The following SAMD5 variants were observed in gnomAD, a reference collection of about 807,000 sequenced individuals.
SAMD5 encodes sterile alpha motif domain-containing protein 5.
A neutral mutation model predicts 11.3 loss-of-function variants in SAMD5; 13 were observed. The ratio of observed to expected loss-of-function variants is 1.15; its 90% CI spans 0.75 to 1.83. SAMD5 has a LOEUF of 1.83. SAMD5 is among the 40% of genes most tolerant of loss of function. The pLI is 0.00. For missense variants in SAMD5, 255 were observed against 239.1 expected, an observed-to-expected ratio of 1.07 and a Z score of -0.44; for synonymous variants, 129 against 111.3, an observed-to-expected ratio of 1.16 and a Z score of -1.00.
intron 1 of SAMD5, among the ~76,000 whole-genome samples, chr6:147,666,653 G>A (rs1790726448): frequency 6.6e-6 from 1 of 152,078 alleles, no homozygotes. Context: ...TTAAAATGAG[G>A]TGATTTGGGA....
At chr6:147,586,969 T>C (rs1394352817) in intron 1 of SAMD5, among the ~76,000 whole-genome samples, 2 of 152,178 alleles carry the variant, frequency 1.3e-5, no homozygotes, top group East Asian at 3.8e-4. Context: ...ATATATGATA[T>C]TTTAAGCTTT....
At chr6:147,585,706 A>T (rs1370263068) in intron 1 of SAMD5, among the ~76,000 whole-genome samples, 1 of 152,174 alleles carries the variant, frequency 6.6e-6, no homozygotes, top group East Asian at 1.9e-4. Context: ...CCATTTCTTC[A>T]TCATTTAAAA....
At chr6:147,704,806 G>A (rs1791303300) in intron 1 of SAMD5, among the ~76,000 whole-genome samples, 1 of 152,202 alleles carries the variant, frequency 6.6e-6, no homozygotes, top group Non-Finnish European at 1.5e-5. Flanking sequence ...AAAAGCACTG[G>A]TTGAAGCTTT....
the SAMD5 span, among the ~76,000 whole-genome samples, chr6:147,918,337 A>G: frequency 1.9e-3 from 282 of 152,120 alleles, no homozygotes; most frequent in African/African-American, 6.5e-3. Flanking sequence ...TGTGAGTGGG[A>G]GTTCACTCAT....
exon 2 of SAMD5, chr6:147,737,403 C>T: frequency 9.0e-7 from 1 of 1,110,422 alleles, no homozygotes; most frequent in South Asian, 1.3e-5. Context: ...CACGCTATTA[C>T]AGGATGACTA....
At chr6:147,887,236 C>T in the SAMD5 span, among the ~76,000 whole-genome samples, 1 of 152,168 alleles carries the variant, frequency 6.6e-6, no homozygotes, top group East Asian at 1.9e-4. Context: ...ATTCGGACTA[C>T]ATATACACAC....
At chr6:147,752,059 A>C in the SAMD5 span, among the ~76,000 whole-genome samples, 1 of 152,284 alleles carries the variant, frequency 6.6e-6, no homozygotes, top group South Asian at 2.1e-4. Flanking sequence ...TCTTTGATAA[A>C]ATTGAATATA....
At chr6:147,563,984 C>T (rs769867221) in intron 1 of SAMD5, among the ~76,000 whole-genome samples, 24 of 152,180 alleles carry the variant, frequency 1.6e-4, no homozygotes, top group Non-Finnish European at 2.5e-4. Flanking sequence ...TGAGATAGGT[C>T]GCCTTTGGAA....
the SAMD5 span, among the ~76,000 whole-genome samples, chr6:147,789,278 AACACACACAC>A: frequency 3.9e-3 from 552 of 141,192 alleles, 2 homozygotes; most frequent in African/African-American, 0.012. Flanking sequence ...TCTCTAGAAA[AACACACACAC>A]ACACACACAC....
At chr6:147,731,710 CTTCCTTCCTTCT>C (rs1461466345) in intron 1 of SAMD5, among the ~76,000 whole-genome samples, 11 of 129,364 alleles carry the variant, frequency 8.5e-5, no homozygotes, top group African/African-American at 3.2e-4. Flanking sequence ...CCCTCCTTTC[CTTCCTTCCTTCT>C]TTCCTTCCTT....
intron 1 of SAMD5, among the ~76,000 whole-genome samples, chr6:147,630,195 C>T (rs906776389): frequency 4.6e-5 from 7 of 152,016 alleles, no homozygotes; most frequent in Non-Finnish European, 7.4e-5. Context: ...GTGATCTGCC[C>T]GCCTCAGCTT....
intron 1 of SAMD5, among the ~76,000 whole-genome samples, chr6:147,524,822 T>C (rs1296646108): frequency 6.6e-6 from 1 of 151,988 alleles, no homozygotes; most frequent in Non-Finnish European, 1.5e-5. Context: ...CAGTAGTGAG[T>C]TTATATTTAT....
intron 1 of SAMD5, among the ~76,000 whole-genome samples, chr6:147,616,163 T>TTTCATATATATTTA (rs1212875858): frequency 1.5e-5 from 2 of 131,788 alleles, no homozygotes; most frequent in Admixed American, 1.5e-4. Flanking sequence ...TTCATATATA[T>TTTCATATATATTTA]TTCATATATA....
At chr6:147,694,812 T>C (rs1166383197) in intron 1 of SAMD5, among the ~76,000 whole-genome samples, 1 of 152,190 alleles carries the variant, frequency 6.6e-6, no homozygotes, top group African/African-American at 2.4e-5. Context: ...CAAAACACTG[T>C]TATAAAAAAT....
intron 1 of SAMD5, among the ~76,000 whole-genome samples, chr6:147,645,746 A>G (rs898553601): frequency 6.6e-6 from 1 of 152,158 alleles, no homozygotes; most frequent in Admixed American, 6.5e-5. Flanking sequence ...ATATGAGTTG[A>G]GTTGGTCCTA....
the SAMD5 span, among the ~76,000 whole-genome samples, chr6:147,935,341 C>T: frequency 9.9e-5 from 15 of 152,058 alleles, no homozygotes; most frequent in Admixed American, 3.3e-4. Flanking sequence ...TTAATAGATG[C>T]GATGCTACAT....
the SAMD5 span, among the ~76,000 whole-genome samples, chr6:147,831,138 T>C: frequency 6.6e-6 from 1 of 152,178 alleles, no homozygotes; most frequent in Non-Finnish European, 1.5e-5. Flanking sequence ...GGTCTTTAAA[T>C]AAACCATAAG....
chr6:147,921,274 AACACACACACACACACAC>A, the SAMD5 span, among the ~76,000 whole-genome samples: 8 of 141,078 alleles, frequency 5.7e-5, no homozygotes, highest in African/African-American at 5.3e-5. Context: ...GAGAGTATAA[AACACACACACACACACAC>A]ACACACACAC....
chr6:147,826,401 G>A, the SAMD5 span, among the ~76,000 whole-genome samples: 1 of 152,174 alleles, frequency 6.6e-6, no homozygotes, highest in Non-Finnish European at 1.5e-5. Flanking sequence ...GCAAAACTGA[G>A]AAAAAGATGT....
Sources: allele counts gnomAD v4.1 joint callset (sites outside exome capture counted in the v4.1 genomes callset), GRCh38; gene constraint gnomAD v4.1.1; transcripts MANE v1.5; gene names NCBI Gene and HGNC (gene_info 2026-07-23, HGNC 2026-07-21).